FAM13C: variants seen among roughly 807,000 people sequenced by gnomAD.
FAM13C encodes protein FAM13C.
A neutral mutation model predicts 73.2 loss-of-function variants in FAM13C; 37 were observed. The observed-to-expected ratio is 0.51, with a 90% CI of 0.39 to 0.67. The LOEUF is 0.67. Ranked by LOEUF, FAM13C falls within the 30% of genes least tolerant of loss-of-function variation. The pLI, the probability that FAM13C is intolerant of heterozygous loss-of-function variation, is 0.00. For missense variants in FAM13C, 589 were observed against 715.6 expected (o/e 0.82, Z 2.02); for synonymous variants, 246 against 260.9 (o/e 0.94, Z 0.55).
At chr10:59,249,426 AAAAAG>A (rs1841140673) in intron 13 of FAM13C, among the ~76,000 whole-genome samples, 1 of 151,230 alleles carries the variant, frequency 6.6e-6, no homozygotes, top group Non-Finnish European at 1.5e-5. Context: ...AAAAAAAAAA[AAAAAG>A]AGTGCTTTGA....
chr10:59,295,251 C>T (rs1041169165), intron 5 of FAM13C, among the ~76,000 whole-genome samples: 4 of 152,220 alleles, frequency 2.6e-5, no homozygotes, highest in African/African-American at 9.7e-5. Context: ...ACTTAGCTGA[C>T]CAAAGATACA....
At chr10:59,290,204 T>C (rs1846060494) in intron 5 of FAM13C, among the ~76,000 whole-genome samples, 1 of 152,202 alleles carries the variant, frequency 6.6e-6, no homozygotes, top group Non-Finnish European at 1.5e-5. Context: ...TGGGTTGAAA[T>C]AGAGAACACC....
At chr10:59,263,889 G>T in intron 9 of FAM13C, 196 bp downstream of exon 9, 1 of 570,326 alleles carries the variant, frequency 1.8e-6, no homozygotes, top group Non-Finnish European at 3.1e-6. Context: ...CAGTTTCTTT[G>T]TAAGGAGGTT....
chr10:59,360,850 A>G (rs1169352738), intron 1 of FAM13C, among the ~76,000 whole-genome samples: 1 of 127,294 alleles, frequency 7.9e-6, no homozygotes, highest in African/African-American at 3.5e-5. Context: ...CGAAACCTCT[A>G]CAGAAAAAAA....
chr10:59,309,948 C>T (rs565482373), intron 4 of FAM13C, among the ~76,000 whole-genome samples: 90 of 152,314 alleles, frequency 5.9e-4, no homozygotes, highest in Admixed American at 1.2e-3. Context: ...CCCTCTTCCA[C>T]CTATAGCATG....
intron 10 of FAM13C, among the ~76,000 whole-genome samples, chr10:59,261,454 G>T (rs1842495314): frequency 6.6e-6 from 1 of 152,132 alleles, no homozygotes; most frequent in Non-Finnish European, 1.5e-5. Context: ...AACAGGGAAA[G>T]GAGGCATTCT....
At chr10:59,252,692 A>G (rs1322972026) in intron 12 of FAM13C, 107 bp downstream of exon 12, 4 of 1,059,428 alleles carry the variant, frequency 3.8e-6, no homozygotes, top group Non-Finnish European at 5.7e-6. Flanking sequence ...AGAACTGTTG[A>G]CCCACCCCTT....
chr10:59,256,522 C>T (rs953930191), intron 10 of FAM13C, among the ~76,000 whole-genome samples: 1 of 152,168 alleles, frequency 6.6e-6, no homozygotes, highest in African/African-American at 2.4e-5. Context: ...CACTTTGATT[C>T]CGTTGTCTTC....
chr10:59,344,664 A>G (rs1854057738), intron 3 of FAM13C, among the ~76,000 whole-genome samples: 1 of 152,160 alleles, frequency 6.6e-6, no homozygotes, highest in Non-Finnish European at 1.5e-5. Flanking sequence ...CTTAAGATAG[A>G]TACAATTGCC....
intron 6 of FAM13C, among the ~76,000 whole-genome samples, chr10:59,274,568 AG>A (rs1394316799): frequency 6.6e-6 from 1 of 152,154 alleles, no homozygotes; most frequent in African/African-American, 2.4e-5. Context: ...CCCTGAAAAC[AG>A]GGCTGGGCTT....
intron 2 of FAM13C, among the ~76,000 whole-genome samples, chr10:59,353,228 A>AC (rs1279345048): frequency 2.0e-5 from 3 of 151,868 alleles, no homozygotes; most frequent in Admixed American, 2.0e-4. Context: ...CAATATCCCT[A>AC]CCCCCCTCCA....
intron 6 of FAM13C, among the ~76,000 whole-genome samples, chr10:59,277,311 T>C (rs1239204357): frequency 6.6e-6 from 1 of 152,236 alleles, no homozygotes; most frequent in African/African-American, 2.4e-5. Context: ...ACAGGCATAA[T>C]TATTTCATAT....
intron 3 of FAM13C, 106 bp downstream of exon 3, chr10:59,352,164 C>G: frequency 7.7e-7 from 1 of 1,299,428 alleles, no homozygotes; most frequent in South Asian, 1.4e-5. Context: ...CAAGTCGTGC[C>G]AATCCCCTCC....
chr10:59,330,757 C>T (rs1339252644), intron 3 of FAM13C, among the ~76,000 whole-genome samples: 1 of 152,166 alleles, frequency 6.6e-6, no homozygotes, highest in African/African-American at 2.4e-5. Context: ...CCAATTGCAA[C>T]ACATTGCTAA....
intron 5 of FAM13C, among the ~76,000 whole-genome samples, chr10:59,301,771 G>T (rs1332110477): frequency 6.6e-6 from 1 of 152,178 alleles, no homozygotes; most frequent in Non-Finnish European, 1.5e-5. Context: ...AGAATTTGGA[G>T]CCTGTCTGTA....
At chr10:59,277,265 AT>A (rs1390222215) in intron 6 of FAM13C, among the ~76,000 whole-genome samples, 2 of 152,214 alleles carry the variant, frequency 1.3e-5, no homozygotes, top group Non-Finnish European at 2.9e-5. Flanking sequence ...CAAGAAAATA[AT>A]GTGCATCTCT....
intron 13 of FAM13C, among the ~76,000 whole-genome samples, chr10:59,250,525 C>A (rs779097942): frequency 3.3e-5 from 5 of 152,170 alleles, no homozygotes; most frequent in Non-Finnish European, 7.3e-5. Context: ...TAAAGAATAT[C>A]CCTGGTAGGC....
chr10:59,250,696 A>G (rs942768538), intron 13 of FAM13C, among the ~76,000 whole-genome samples: 7 of 152,232 alleles, frequency 4.6e-5, no homozygotes, highest in Non-Finnish European at 8.8e-5. Flanking sequence ...AGAGGAGCCC[A>G]TGTAGCACTG....
intron 5 of FAM13C, among the ~76,000 whole-genome samples, chr10:59,294,903 G>A (rs1418056026): frequency 6.6e-6 from 1 of 152,204 alleles, no homozygotes; most frequent in Non-Finnish European, 1.5e-5. Context: ...CCAGCAGAGA[G>A]GAAAATTACC....
Sources: allele counts gnomAD v4.1 joint callset (sites outside exome capture counted in the v4.1 genomes callset), GRCh38; gene constraint gnomAD v4.1.1; transcripts MANE v1.5; gene names NCBI Gene and HGNC (gene_info 2026-07-23, HGNC 2026-07-21).